The following ZNF141 variants were observed in gnomAD, a reference collection of about 807,000 sequenced individuals.
ZNF141 encodes zinc finger protein 141.
A neutral mutation model predicts 11.3 loss-of-function variants in ZNF141; 7 were observed. That is an observed-to-expected ratio of 0.62 (90% CI 0.35 to 1.16). The LOEUF is 1.16. Ranked by LOEUF, ZNF141 falls within the 50% of genes most tolerant of loss-of-function variation. The pLI, the probability that ZNF141 is intolerant of heterozygous loss-of-function variation, is 0.02. For missense variants in ZNF141, 535 were observed against 554.0 expected (o/e 0.97, Z 0.34); for synonymous variants, 183 against 190.7 (o/e 0.96, Z 0.33).
chr4:341,108 G>T (rs548185289), intron 1 of ZNF141, among the ~76,000 whole-genome samples: 1 of 149,096 alleles, frequency 6.7e-6, no homozygotes, highest in South Asian at 2.1e-4. Flanking sequence ...TCGCTCTGTC[G>T]CCAGGCTGGG....
At position 372,825 on chromosome 4, in the gene ZNF141, T is replaced by G. The variant is rs560560841; in HGVS notation, c.388T>G (p.Tyr130Asp). The change falls in exon 4 of 4, where the codon TAT becomes GAT. Residue 130 changes from tyrosine to aspartate, a missense_variant. Transcript: ENST00000240499. ...TGAGTGTAAGTTGCAGAAAGGAGGT[T>G]ATAATGAATTTAATGAATGCTTGTC... The part of the protein sequence containing the change: ...LNECKLQKGG[Y>D]NEFNECLSTT... The G allele has an allele frequency of 6.2e-7, 1 of 1,613,372 alleles. No homozygotes were observed. Among genetic ancestry groups the G allele is most frequent in the Non-Finnish European group, 8.5e-7 (1 of 1,179,504 alleles).
At chr4:353,886 G>A (rs1721730167) in intron 3 of ZNF141, among the ~76,000 whole-genome samples, 1 of 152,142 alleles carries the variant, frequency 6.6e-6, no homozygotes, top group African/African-American at 2.4e-5. Context: ...CTCTCCACCT[G>A]CTGCTACAAT....
chr4:361,468 G>T (rs1314764975), intron 3 of ZNF141, among the ~76,000 whole-genome samples: 1 of 150,370 alleles, frequency 6.7e-6, no homozygotes, highest in Non-Finnish European at 1.5e-5. Context: ...CCATGTTGGT[G>T]TGCTGCACCC....
intron 3 of ZNF141, among the ~76,000 whole-genome samples, chr4:353,143 A>G (rs1553850711): frequency 6.6e-6 from 1 of 152,156 alleles, no homozygotes; most frequent in Non-Finnish European, 1.5e-5. Context: ...AAGGACGAGG[A>G]GTGCAGATGG....
intron 1 of ZNF141, 87 bp downstream of exon 1, chr4:338,073 G>A: frequency 1.3e-6 from 2 of 1,578,098 alleles, no homozygotes; most frequent in Non-Finnish European, 1.7e-6. Context: ...TCTGCGAACG[G>A]AGTCCCCGCT....
Position 378,205 on chromosome 4 carries a change from G to A in ZNF141, c.*4343G>A, listed in dbSNP as rs1193347252. The A allele has an allele frequency of 6.6e-5, 10 of 152,048 alleles. No homozygotes were observed. Among genetic ancestry groups the A allele is most frequent in the Admixed American group, 2.0e-4 (3 of 15,258 alleles). 9.4% of individuals were successfully genotyped at this position (152,048 alleles called of 1,614,324 possible). A position where few individuals can be genotyped will look rare whatever the true frequency, so the allele number is the denominator to read the frequency against. On this transcript the variant is annotated 3_prime_UTR_variant, in exon 4 of 4. Coordinates refer to ENST00000240499, the MANE Select transcript of ZNF141 (RefSeq NM_003441.4). ...AGAAGAAAATTTTTAGGAGACAATG[G>A]TAAGTGAGGAATTTTACATTTAATT... is the stretch of plus-strand genomic sequence containing the variant.
rs1712615444 is a variant in ZNF141, at chr4:381,492, TC to T, written c.*7632del. Among the ~76,000 whole-genome samples, 1 of 130,126 alleles carries T rather than the reference TC, an allele frequency of 7.7e-6. No homozygotes were observed. The highest frequency in any genetic ancestry group is 2.7e-4 in the South Asian group (1 of 3,752). The allele number at this position is 130,126 out of a possible 152,430, so 85.4% of individuals were successfully genotyped here. A position where few individuals can be genotyped will look rare whatever the true frequency, so the allele number is the denominator to read the frequency against. ...GGTGCAATCTCGGCTCACTGCAACC[TC>T]CGCCTCCTGGGTTCACACAATTTGC... On this transcript the variant is annotated 3_prime_UTR_variant, in exon 4 of 4. Coordinates refer to ENST00000240499, the MANE Select transcript of ZNF141 (RefSeq NM_003441.4).
Position 383,672 on chromosome 4 carries a change from G to A in ZNF141, c.*9810G>A, listed in dbSNP as rs115214807. 0.029 allele frequency: 4,380 copies of A among 153,452 alleles called. 63 individuals carry two copies. Among genetic ancestry groups the A allele is most frequent in the Middle Eastern group, 0.065 (19 of 294 alleles). 9.5% of individuals were successfully genotyped at this position (153,452 alleles called of 1,614,324 possible). A position where few individuals can be genotyped will look rare whatever the true frequency, so the allele number is the denominator to read the frequency against. ...TACACCCGAGTAGCAAAGGATCGAA[G>A]GCGACTGTCGCTACAACCCTCCCCC... On this transcript the variant is annotated 3_prime_UTR_variant, in exon 4 of 4. Coordinates refer to ENST00000240499, the MANE Select transcript of ZNF141 (RefSeq NM_003441.4).
chr4:354,836 A>C (rs1485423908), intron 3 of ZNF141, among the ~76,000 whole-genome samples: 2 of 151,866 alleles, frequency 1.3e-5, no homozygotes, highest in African/African-American at 4.8e-5. Context: ...TTTATTTGTA[A>C]GTTTTAAAAT....
chr4:381,103 A>G lies in ZNF141; in HGVS notation c.*7241A>G, dbSNP rs1254451648. Among the ~76,000 whole-genome samples, 2 of 152,122 alleles carry G rather than the reference A, an allele frequency of 1.3e-5. No individual in the cohort carries two copies. The highest frequency in any genetic ancestry group is 4.8e-5 in the African/African-American group (2 of 41,432). The stretch of plus-strand genomic sequence containing the variant: ...AAATGCTGTAATGTAATTAAATATT[A>G]TTTACTACAAACTCACATAGTACAT... On this transcript the variant is annotated 3_prime_UTR_variant, in exon 4 of 4. Transcript: ENST00000240499.
intron 3 of ZNF141, among the ~76,000 whole-genome samples, chr4:351,832 G>A (rs903169415): frequency 6.6e-6 from 1 of 152,178 alleles, no homozygotes; most frequent in Non-Finnish European, 1.5e-5. Context: ...AAGGAGCCCT[G>A]GAAAGCTGGG....
At chr4:354,158 A>T (rs1721741180) in intron 3 of ZNF141, among the ~76,000 whole-genome samples, 1 of 152,168 alleles carries the variant, frequency 6.6e-6, no homozygotes, top group South Asian at 2.1e-4. Flanking sequence ...ACACATTTAT[A>T]AGTCAGAGGT....
At chr4:363,651 G>A (rs1211148893) in intron 3 of ZNF141, among the ~76,000 whole-genome samples, 3 of 152,014 alleles carry the variant, frequency 2.0e-5, no homozygotes, top group Non-Finnish European at 4.4e-5. Flanking sequence ...CCAGCTACGC[G>A]GGAGGCTGAG....
chr4:351,040 C>T (rs1005482232), intron 3 of ZNF141, among the ~76,000 whole-genome samples: 11 of 151,222 alleles, frequency 7.3e-5, no homozygotes, highest in African/African-American at 2.4e-4. Flanking sequence ...TGAGCCACCG[C>T]GCCCGGCCTG....
chr4:380,944 A>G lies in ZNF141; in HGVS notation c.*7082A>G, dbSNP rs1229403187. On this transcript the variant is annotated 3_prime_UTR_variant, in exon 4 of 4. Coordinates refer to ENST00000240499, the MANE Select transcript of ZNF141 (RefSeq NM_003441.4). The stretch of plus-strand genomic sequence containing the variant: ...GAAAAGAGAAATACTTCCTGTATTT[A>G]AACCATATAAACTCTAGAATTGCCC... 7.9e-5 allele frequency among the ~76,000 whole-genome samples: 12 copies of G among 152,334 alleles called. No homozygotes were observed. The highest frequency in any genetic ancestry group is 2.9e-4 in the African/African-American group (12 of 41,566).
At chr4:349,160 G>T (rs987276532) in intron 3 of ZNF141, among the ~76,000 whole-genome samples, 1 of 151,912 alleles carries the variant, frequency 6.6e-6, no homozygotes, top group Non-Finnish European at 1.5e-5. Context: ...GGTGCCAGGT[G>T]CAGTGGCTCA....
rs1193378126 is a variant in ZNF141, at chr4:383,199, A to G, written c.*9337A>G. The G allele has an allele frequency of 2.1e-5, 15 of 698,628 alleles. No homozygotes were observed. The highest frequency in any genetic ancestry group is 4.6e-4 in the Middle Eastern group (2 of 4,336). 43.3% of individuals were successfully genotyped at this position (698,628 alleles called of 1,614,324 possible). A position where few individuals can be genotyped will look rare whatever the true frequency, so the allele number is the denominator to read the frequency against. On this transcript the variant is annotated 3_prime_UTR_variant, in exon 4 of 4. Coordinates refer to ENST00000240499, the MANE Select transcript of ZNF141 (RefSeq NM_003441.4). ...TTACAGACAGCTCACTCACAGAAGC[A>G]GAGCCACCTAATTCACCAGCATCTA...
chr4:365,122 G>T (rs1711677274), intron 3 of ZNF141, among the ~76,000 whole-genome samples: 2 of 152,216 alleles, frequency 1.3e-5, no homozygotes, highest in South Asian at 4.1e-4. Flanking sequence ...CTCTGTGGGT[G>T]TGGGACCTGG....
chr4:371,571 G>A (rs1239848857), intron 3 of ZNF141, among the ~76,000 whole-genome samples: 4 of 130,666 alleles, frequency 3.1e-5, no homozygotes, highest in African/African-American at 5.7e-5. Flanking sequence ...TCAGAGTCTC[G>A]CTGTGTCTCC....
Sources: allele counts gnomAD v4.1 joint callset (sites outside exome capture counted in the v4.1 genomes callset), GRCh38; gene constraint gnomAD v4.1.1; transcripts MANE v1.5; gene names NCBI Gene and HGNC (gene_info 2026-07-23, HGNC 2026-07-21).